The following ACACA variants were observed in gnomAD, a reference collection of about 807,000 sequenced individuals.
The protein encoded by ACACA is acetyl-CoA carboxylase 1.
A neutral mutation model predicts 296.1 loss-of-function variants in ACACA; 103 were observed. That is an observed-to-expected ratio of 0.35 (90% CI 0.30 to 0.41). The LOEUF is 0.41. ACACA is among the 10% of genes least tolerant of loss of function. ACACA has a pLI of 1.00. For missense variants in ACACA, 1,554 were observed against 2,989.7 expected (o/e 0.52, Z 11.20); for synonymous variants, 953 against 1,038.6 (o/e 0.92, Z 1.58).
At chr17:37,220,057 T>C (rs1256557831) in intron 29 of ACACA, among the ~76,000 whole-genome samples, 1 of 152,226 alleles carries the variant, frequency 6.6e-6, no homozygotes, top group South Asian at 2.1e-4. Flanking sequence ...ACAGGATTAC[T>C]GTTATGTTCA....
intron 3 of ACACA, among the ~76,000 whole-genome samples, chr17:37,324,701 G>A (rs987787828): frequency 6.6e-6 from 1 of 150,480 alleles, no homozygotes; most frequent in African/African-American, 2.5e-5. Context: ...CAGGCATGGT[G>A]GCGCATACCT....
At chr17:37,391,339 A>C (rs1250774939) in intron 1 of ACACA, among the ~76,000 whole-genome samples, 2 of 152,214 alleles carry the variant, frequency 1.3e-5, no homozygotes, top group African/African-American at 4.8e-5. Context: ...CATTTTACTC[A>C]TACTTAAGTT....
At chr17:37,236,670 C>G (rs866622847) in intron 24 of ACACA, among the ~76,000 whole-genome samples, 1 of 151,970 alleles carries the variant, frequency 6.6e-6, no homozygotes, top group African/African-American at 2.4e-5. Context: ...ACTAAAAATA[C>G]AAAAATTAGC....
intron 1 of ACACA, among the ~76,000 whole-genome samples, chr17:37,388,170 T>G (rs2050631918): frequency 6.6e-6 from 1 of 152,002 alleles, no homozygotes; most frequent in Non-Finnish European, 1.5e-5. Context: ...AAAATGCATA[T>G]TAGCCATTTG....
intron 1 of ACACA, among the ~76,000 whole-genome samples, chr17:37,391,111 G>A (rs957597779): frequency 5.3e-5 from 8 of 151,900 alleles, no homozygotes; most frequent in South Asian, 4.2e-4. Context: ...GGTGGCACAC[G>A]CCAGTAATCC....
chr17:37,309,950 G>A (rs1362787205), intron 3 of ACACA, among the ~76,000 whole-genome samples: 1 of 152,062 alleles, frequency 6.6e-6, no homozygotes, highest in East Asian at 1.9e-4. Flanking sequence ...GTACTTGGGA[G>A]TCTGAGGCTT....
intron 19 of ACACA, among the ~76,000 whole-genome samples, chr17:37,246,005 G>C (rs1025375667): frequency 1.3e-5 from 2 of 152,118 alleles, no homozygotes; most frequent in African/African-American, 4.8e-5. Context: ...GTGCTGTCTT[G>C]CTTCTGTCTT....
Position 37,097,667 on chromosome 17 carries a change from TACAGAA to T in ACACA, c.6720+157_6720+162del, listed in dbSNP as rs2073073619. Among the ~76,000 whole-genome samples, 1 of 152,164 alleles carries T rather than the reference TACAGAA, an allele frequency of 6.6e-6. No homozygotes were observed. Among genetic ancestry groups the T allele is most frequent in the African/African-American group, 2.4e-5 (1 of 41,432 alleles). ...TACATTGTTTTAAGATGATAACAGT[TACAGAA>T]ACAGTGAAAATCTAAAAAATATTGA... On this transcript the variant is annotated intron_variant, in intron 53 of 55. Transcript: ENST00000616317. This position sits in a 1 kb window ranked among gnomAD's most constrained non-coding sequence, Gnocchi z 4.8.
At chr17:37,359,721 G>A (rs1278871316) in intron 1 of ACACA, among the ~76,000 whole-genome samples, 1 of 152,122 alleles carries the variant, frequency 6.6e-6, no homozygotes, top group Non-Finnish European at 1.5e-5. Flanking sequence ...ACAAGGGGTG[G>A]GCAATCGCGT....
chr17:37,260,296 A>ATTTTTTTTT (rs1165828702), intron 11 of ACACA, among the ~76,000 whole-genome samples: 2 of 18,982 alleles, frequency 1.1e-4, no homozygotes, highest in Non-Finnish European at 1.8e-4. Flanking sequence ...ATATATATAT[A>ATTTTTTTTT]TTTTTTTTTT....
At chr17:37,120,091 C>T (rs1353534132) in intron 50 of ACACA, among the ~76,000 whole-genome samples, 1 of 151,864 alleles carries the variant, frequency 6.6e-6, no homozygotes, top group Non-Finnish European at 1.5e-5. Flanking sequence ...CAGGGTTTCA[C>T]TATGTTGGAC....
In ACACA at chr17:37,161,241, G is replaced by C. The variant is rs184457627; in HGVS notation, c.5349+540C>G. Reference sequence around the variant, plus strand: ...GATTCAAAGATGGGATTTTTTCAGAGAGAAGGGAGAGGTGTCTGGAAGCAG... The same window carrying C: ...GATTCAAAGATGGGATTTTTTCAGACAGAAGGGAGAGGTGTCTGGAAGCAG... On this transcript the variant is annotated intron_variant, in intron 42 of 55. Coordinates refer to ENST00000616317, the MANE Select transcript of ACACA (RefSeq NM_198834.3). Among the ~76,000 whole-genome samples the C allele has an allele frequency of 2.6e-5, 4 of 152,290 alleles. No homozygotes were observed. In the East Asian group the frequency reaches 7.7e-4, roughly 29 times the overall value.
At chr17:37,204,916 T>G (rs140967815) in intron 33 of ACACA, among the ~76,000 whole-genome samples, 1 of 152,194 alleles carries the variant, frequency 6.6e-6, no homozygotes, top group Admixed American at 6.5e-5. Context: ...CATTTAATTT[T>G]GTGGTGATGA....
At chr17:37,205,506 C>A (rs151053570) in intron 33 of ACACA, among the ~76,000 whole-genome samples, 3 of 152,218 alleles carry the variant, frequency 2.0e-5, no homozygotes, top group African/African-American at 4.8e-5. Context: ...AAGACTGGAG[C>A]TCTGGGAGAG....
At chr17:37,383,757 T>C (rs1307912097) in intron 1 of ACACA, among the ~76,000 whole-genome samples, 1 of 152,110 alleles carries the variant, frequency 6.6e-6, no homozygotes, top group Non-Finnish European at 1.5e-5. Flanking sequence ...TTGGCCAGGC[T>C]GGTCTCAAGC....
intron 19 of ACACA, among the ~76,000 whole-genome samples, chr17:37,246,055 C>A (rs777644584): frequency 6.6e-6 from 1 of 151,884 alleles, no homozygotes; most frequent in African/African-American, 2.4e-5. Context: ...CTCTTCCCTG[C>A]CCTTCTTCAC....
At chr17:37,141,190 A>C in intron 45 of ACACA, 1 of 551,158 alleles carries the variant, frequency 1.8e-6, no homozygotes, top group Non-Finnish European at 3.5e-6. Flanking sequence ...GGTCCCCACG[A>C]AAAAGTTAGT....
chr17:37,305,904 GTTTTTT>G (rs200591761), intron 3 of ACACA, among the ~76,000 whole-genome samples: 1 of 95,808 alleles, frequency 1.0e-5, no homozygotes, highest in African/African-American at 3.5e-5. Context: ...TTTTTTTTTT[GTTTTTT>G]TTTTTTTTTT....
chr17:37,287,248 C>T (rs1435863335), intron 3 of ACACA, among the ~76,000 whole-genome samples: 2 of 152,130 alleles, frequency 1.3e-5, no homozygotes, highest in Non-Finnish European at 2.9e-5. Flanking sequence ...TAAAATCTTC[C>T]CACATGCAGC....
Sources: allele counts gnomAD v4.1 joint callset (sites outside exome capture counted in the v4.1 genomes callset), GRCh38; gene constraint gnomAD v4.1.1; non-coding constraint Gnocchi (gnomAD v3.1); transcripts MANE v1.5; gene names NCBI Gene and HGNC (gene_info 2026-07-23, HGNC 2026-07-21).